Variants in RAP1GDS1 observed in about 807,000 individuals in gnomAD.
The protein encoded by RAP1GDS1 is RAP1, GTP-GDP dissociation stimulator 1.
RAP1GDS1 carries 35 observed loss-of-function variants against 71.1 expected under a neutral mutation model. The observed-to-expected ratio is 0.49, with a 90% CI of 0.38 to 0.65. The LOEUF (loss-of-function observed/expected upper bound fraction) is 0.65. RAP1GDS1 is among the 30% of genes least tolerant of loss of function. The pLI is 0.00. For synonymous variants in RAP1GDS1, 229 were observed against 243.1 expected (o/e 0.94, Z 0.54); for missense variants, 663 against 706.1 (o/e 0.94, Z 0.69).
intron 2 of RAP1GDS1, among the ~76,000 whole-genome samples, chr4:98,328,724 C>T (rs1478963855): frequency 2.6e-5 from 4 of 151,974 alleles, no homozygotes; most frequent in Non-Finnish European, 4.4e-5. Context: ...TCTCTGTTGC[C>T]CAGGCTGGAG....
At chr4:98,346,692 G>A (rs77744951) in intron 3 of RAP1GDS1, among the ~76,000 whole-genome samples, 1 of 151,852 alleles carries the variant, frequency 6.6e-6, no homozygotes, top group African/African-American at 2.4e-5. Context: ...TTACAGGCAC[G>A]TACCACCACA....
chr4:98,347,156 G>A (rs1345962804), intron 3 of RAP1GDS1, among the ~76,000 whole-genome samples: 1 of 152,192 alleles, frequency 6.6e-6, no homozygotes, highest in Non-Finnish European at 1.5e-5. Flanking sequence ...GTAGGTAAAA[G>A]TGGAGAAAGT....
intron 1 of RAP1GDS1, among the ~76,000 whole-genome samples, chr4:98,262,012 G>C (rs1267527296): frequency 6.6e-6 from 1 of 152,232 alleles, no homozygotes; most frequent in African/African-American, 2.4e-5. Context: ...CTGTCAGTGC[G>C]ACCTTTCCCC....
chr4:98,270,506 T>C (rs1723302094), intron 1 of RAP1GDS1, among the ~76,000 whole-genome samples: 1 of 152,206 alleles, frequency 6.6e-6, no homozygotes, highest in Non-Finnish European at 1.5e-5. Flanking sequence ...TCAAGCTGGC[T>C]AAGATATGGA....
At chr4:98,324,906 C>A (rs1188764979) in intron 2 of RAP1GDS1, among the ~76,000 whole-genome samples, 33 of 151,994 alleles carry the variant, frequency 2.2e-4, no homozygotes, top group East Asian at 3.9e-4. Flanking sequence ...GCAACAAAAG[C>A]CAAAATTGAC....
intron 2 of RAP1GDS1, among the ~76,000 whole-genome samples, chr4:98,336,587 A>G (rs746100188): frequency 1.3e-5 from 2 of 152,104 alleles, no homozygotes; most frequent in African/African-American, 4.8e-5. Flanking sequence ...TTGTTCTGCT[A>G]TCTTTCTTTT....
chr4:98,311,466 C>G (rs1730212111), intron 2 of RAP1GDS1, among the ~76,000 whole-genome samples: 1 of 152,112 alleles, frequency 6.6e-6, no homozygotes, highest in African/African-American at 2.4e-5. Context: ...TACTTACATT[C>G]TAAACAAAGG....
intron 1 of RAP1GDS1, among the ~76,000 whole-genome samples, chr4:98,287,567 G>A (rs1010011512): frequency 6.6e-6 from 1 of 152,124 alleles, no homozygotes; most frequent in Non-Finnish European, 1.5e-5. Context: ...ATATGAATAG[G>A]TATGACTACA....
rs375131822 is a variant in RAP1GDS1 at position 98,331,486 on chromosome 4, TATC to T, written c.113-11651_113-11649del. On this transcript the variant is annotated intron_variant, in intron 2 of 14. Transcript: ENST00000408927. The stretch of plus-strand genomic sequence containing the variant: ...GGTTAAAAATCCAATGGAAGTTTAT[TATC>T]AACAATTGACAAGAAAATTTAGTTA... 4.9e-3 allele frequency among the ~76,000 whole-genome samples: 750 copies of T among 152,288 alleles called. 6 individuals are homozygous for T. The highest frequency in any genetic ancestry group is 0.018 in the South Asian group (86 of 4,824).
chr4:98,281,078 G>T (rs1391239182), intron 1 of RAP1GDS1, among the ~76,000 whole-genome samples: 1 of 152,192 alleles, frequency 6.6e-6, no homozygotes, highest in African/African-American at 2.4e-5. Flanking sequence ...GCATAGGATT[G>T]TCTTGGCAAT....
At chr4:98,358,386 A>T (rs1273929340) in intron 4 of RAP1GDS1, among the ~76,000 whole-genome samples, 2 of 152,062 alleles carry the variant, frequency 1.3e-5, no homozygotes, top group African/African-American at 2.4e-5. Context: ...AGGTAGTTTT[A>T]TTTGGGTAGT....
At chr4:98,328,962 C>T (rs1733544080) in intron 2 of RAP1GDS1, among the ~76,000 whole-genome samples, 1 of 152,252 alleles carries the variant, frequency 6.6e-6, no homozygotes, top group African/African-American at 2.4e-5. Flanking sequence ...ATTTTACCTA[C>T]ACTCTTAAGG....
chr4:98,315,007 T>A (rs181815845), intron 2 of RAP1GDS1, among the ~76,000 whole-genome samples: 212 of 152,326 alleles, frequency 1.4e-3, no homozygotes, highest in African/African-American at 4.8e-3. Context: ...TAGAGAATGT[T>A]GCTTTTAGAA....
intron 1 of RAP1GDS1, among the ~76,000 whole-genome samples, chr4:98,270,722 AT>A (rs35945066): frequency 0.11 from 15,831 of 148,450 alleles, 1,065 homozygotes; most frequent in African/African-American, 0.18. Context: ...TTCCATGTGG[AT>A]TTTTTTTTTT....
chr4:98,290,891 A>G (rs949354993), intron 1 of RAP1GDS1, among the ~76,000 whole-genome samples: 5 of 152,110 alleles, frequency 3.3e-5, no homozygotes, highest in Non-Finnish European at 7.4e-5. Context: ...AAGGGCATGC[A>G]TATATTATTC....
intron 1 of RAP1GDS1, among the ~76,000 whole-genome samples, chr4:98,285,342 C>G (rs1725813892): frequency 6.6e-6 from 1 of 152,094 alleles, no homozygotes; most frequent in African/African-American, 2.4e-5. Flanking sequence ...ATTGACTGTT[C>G]TAGCAGCCAG....
At position 98,436,975 on chromosome 4, in the gene RAP1GDS1, G is replaced by T; in HGVS notation, c.1603G>T (p.Val535Leu). ...AEKDLESAKL[V>L]QILHRLLADE... ...GAAAGATCTAGAAAGTGCTAAACTT[G>T]TACAGATTTTACATAGACTGCTAGC... Residue 535 changes from valine to leucine, a missense_variant, in exon 14 of 15, where the codon GTA becomes TTA. By Grantham distance (32) the Val-to-Leu change is conservative. Coordinates refer to ENST00000408927, the MANE Select transcript of RAP1GDS1 (RefSeq NM_001100427.2). 1 of 1,611,902 alleles carries T rather than the reference G, an allele frequency of 6.2e-7. No individual in the cohort carries two copies. The highest frequency in any genetic ancestry group is 1.1e-5 in the South Asian group (1 of 90,662).
chr4:98,360,647 A>ATC (rs1738603063), intron 4 of RAP1GDS1, among the ~76,000 whole-genome samples: 1 of 152,116 alleles, frequency 6.6e-6, no homozygotes. Flanking sequence ...ACATTTTTAA[A>ATC]ATTTTCTTAT....
chr4:98,277,935 A>G (rs1455040097), intron 1 of RAP1GDS1, among the ~76,000 whole-genome samples: 1 of 152,254 alleles, frequency 6.6e-6, no homozygotes, highest in Non-Finnish European at 1.5e-5. Flanking sequence ...TTCTGATGAA[A>G]ATACGCTTTC....
Sources: gnomAD v4.1 joint callset for allele counts (sites outside exome capture counted in the v4.1 genomes callset) on GRCh38, gnomAD v4.1.1 for gene constraint, MANE v1.5 for transcripts, NCBI Gene and HGNC (gene_info 2026-07-23, HGNC 2026-07-21) for gene names.